ANKS1B: variants seen among roughly 807,000 people sequenced by gnomAD.
ANKS1B encodes ankyrin repeat and sterile alpha motif domain-containing protein 1B.
In ANKS1B, 36 loss-of-function variants were observed where a neutral mutation model predicts 148.3. The ratio of observed to expected loss-of-function variants is 0.24; its 90% CI spans 0.19 to 0.32. ANKS1B has a LOEUF of 0.32. ANKS1B is among the 10% of genes least tolerant of loss of function. The pLI, the probability that ANKS1B is intolerant of heterozygous loss-of-function variation, is 1.00. For synonymous variants in ANKS1B, 542 were observed against 560.8 expected, an observed-to-expected ratio of 0.97 and a Z score of 0.47; for missense variants, 1,157 against 1,542.6, an observed-to-expected ratio of 0.75 and a Z score of 4.19.
chr12:99,194,494 T>C (rs904237342), intron 14 of ANKS1B, among the ~76,000 whole-genome samples: 5 of 151,976 alleles, frequency 3.3e-5, no homozygotes, highest in Admixed American at 3.3e-4. Context: ...AACTCATAAA[T>C]GAAGCTTGTA....
chr12:98,871,044 C>T (rs904287994), intron 17 of ANKS1B, among the ~76,000 whole-genome samples: 2 of 152,154 alleles, frequency 1.3e-5, no homozygotes, highest in African/African-American at 4.8e-5. Flanking sequence ...GAGGTCAGGT[C>T]TTTTTCCCTT....
At chr12:99,295,295 T>C (rs1046036177) in intron 12 of ANKS1B, among the ~76,000 whole-genome samples, 14 of 152,224 alleles carry the variant, frequency 9.2e-5, no homozygotes, top group African/African-American at 3.1e-4. Context: ...CAATGGCTAA[T>C]GATAGGAAGT....
chr12:99,812,511 C>CCACA (rs10539640), intron 2 of ANKS1B, among the ~76,000 whole-genome samples, 200 bp from the exon 3 acceptor site: 2,802 of 125,990 alleles, frequency 0.022, 36 homozygotes, highest in Non-Finnish European at 0.033. Context: ...TCACCCCATG[C>CCACA]CACACACACA....
Position 99,206,589 on chromosome 12 carries a change from CT to C in ANKS1B, c.2419+37752del, listed in dbSNP as rs1601675297. Among the ~76,000 whole-genome samples, 3 of 152,246 alleles carry C rather than the reference CT, an allele frequency of 2.0e-5. No homozygotes were observed. The East Asian group carries it at 5.8e-4, about 29-fold the overall frequency. ...ATCTACTATCCTTTTCATTTAGTTA[CT>C]CTTCCACCCCGAAGGTAAAAAGAAA... is the stretch of plus-strand genomic sequence containing the variant. On this transcript the variant is annotated intron_variant, in intron 14 of 26. Coordinates refer to ENST00000683438, the MANE Select transcript of ANKS1B (RefSeq NM_001352186.2).
At chr12:98,809,586 G>C (rs2099078152) in intron 19 of ANKS1B, among the ~76,000 whole-genome samples, 1 of 152,154 alleles carries the variant, frequency 6.6e-6, no homozygotes, top group Non-Finnish European at 1.5e-5. Flanking sequence ...CAGGTGAGTG[G>C]CACAATGTGT....
rs1413398670 is a variant in ANKS1B, at chr12:98,990,515, T to G, written c.2778+62642A>C. ...AGTATGGCCTGGAGAAAAGAGATGC[T>G]GGAGATCAGCACAGCAGCAAGAGTC... On this transcript the variant is annotated intron_variant, in intron 17 of 26. Transcript: ENST00000683438. Among the ~76,000 whole-genome samples the G allele has an allele frequency of 3.4e-5, 5 of 146,224 alleles. No homozygotes were observed. The Admixed American group carries it at 3.5e-4, about 10-fold the overall frequency.
At chr12:98,863,039 C>T (rs948818285) in intron 17 of ANKS1B, among the ~76,000 whole-genome samples, 6 of 152,202 alleles carry the variant, frequency 3.9e-5, no homozygotes, top group African/African-American at 7.2e-5. Flanking sequence ...AAAACCCATT[C>T]GCATCACTGG....
At chr12:99,882,853 G>A (rs1446190748) in intron 1 of ANKS1B, among the ~76,000 whole-genome samples, 1 of 152,060 alleles carries the variant, frequency 6.6e-6, no homozygotes. Flanking sequence ...AGAAGAAAGT[G>A]CACTCATTTT....
chr12:98,785,441 G>A (rs984555467), intron 22 of ANKS1B, among the ~76,000 whole-genome samples: 1 of 152,134 alleles, frequency 6.6e-6, no homozygotes, highest in African/African-American at 2.4e-5. Context: ...CTGCACTCCA[G>A]CCTGGGCAAC....
intron 15 of ANKS1B, among the ~76,000 whole-genome samples, chr12:99,116,103 T>C (rs1312921777): frequency 1.3e-5 from 2 of 152,206 alleles, no homozygotes; most frequent in Non-Finnish European, 2.9e-5. Context: ...GTAGGATTGC[T>C]GCAAGGATTA....
intron 1 of ANKS1B, among the ~76,000 whole-genome samples, chr12:99,885,552 C>T (rs1214500781): frequency 6.6e-6 from 1 of 152,086 alleles, no homozygotes; most frequent in Non-Finnish European, 1.5e-5. Flanking sequence ...ATCCGCCCGC[C>T]TGGGCCTCCC....
intron 9 of ANKS1B, among the ~76,000 whole-genome samples, chr12:99,591,054 T>C (rs942498698): frequency 6.6e-6 from 1 of 152,110 alleles, no homozygotes; most frequent in African/African-American, 2.4e-5. Flanking sequence ...TCCTTTCCTT[T>C]ATTTGGTATC....
intron 17 of ANKS1B, among the ~76,000 whole-genome samples, chr12:98,910,359 A>G (rs1379309479): frequency 6.6e-6 from 1 of 152,220 alleles, no homozygotes; most frequent in Non-Finnish European, 1.5e-5. Flanking sequence ...TGAGGATGAT[A>G]TAGTGATATT....
intron 12 of ANKS1B, among the ~76,000 whole-genome samples, chr12:99,350,761 C>A (rs2091317388): frequency 6.6e-6 from 1 of 152,034 alleles, no homozygotes; most frequent in African/African-American, 2.4e-5. Flanking sequence ...ATTAATTAAA[C>A]ACTCCAACCC....
intron 4 of ANKS1B, among the ~76,000 whole-genome samples, chr12:99,801,184 C>G (rs1241660750): frequency 1.3e-5 from 2 of 152,144 alleles, no homozygotes; most frequent in Non-Finnish European, 2.9e-5. Flanking sequence ...CCAAACTGTG[C>G]TTGCATGATT....
At chr12:99,731,769 G>A (rs1366909855) in intron 8 of ANKS1B, among the ~76,000 whole-genome samples, 2 of 152,010 alleles carry the variant, frequency 1.3e-5, no homozygotes, top group Admixed American at 1.3e-4. Context: ...TCTTAGCTAA[G>A]ACACAAAAAA....
chr12:99,365,212 G>A (rs1772412621), intron 12 of ANKS1B, among the ~76,000 whole-genome samples: 1 of 152,164 alleles, frequency 6.6e-6, no homozygotes, highest in African/African-American at 2.4e-5. Flanking sequence ...GCCCACATGG[G>A]CAGACACACA....
At chr12:99,970,541 A>AC (rs1271738291) in intron 1 of ANKS1B, among the ~76,000 whole-genome samples, 3 of 150,780 alleles carry the variant, frequency 2.0e-5, no homozygotes, top group Non-Finnish European at 4.4e-5. Flanking sequence ...GAAAAAAAAA[A>AC]ACACATTGGA....
chr12:99,460,906 A>C (rs1297706168), intron 10 of ANKS1B, among the ~76,000 whole-genome samples: 1 of 152,140 alleles, frequency 6.6e-6, no homozygotes, highest in Non-Finnish European at 1.5e-5. Flanking sequence ...ACCTACCCAG[A>C]GGAAAATAAG....
Sources: allele counts gnomAD v4.1 joint callset (sites outside exome capture counted in the v4.1 genomes callset), GRCh38; gene constraint gnomAD v4.1.1; transcripts MANE v1.5; gene names NCBI Gene and HGNC (gene_info 2026-07-23, HGNC 2026-07-21).